The following TMEM63C variants were observed in gnomAD, a reference collection of about 807,000 sequenced individuals.
TMEM63C encodes transmembrane protein 63C.
TMEM63C carries 32 observed loss-of-function variants against 99.2 expected under a neutral mutation model. That is an observed-to-expected ratio of 0.32 (90% CI 0.24 to 0.43). The LOEUF (loss-of-function observed/expected upper bound fraction) is 0.43, where lower values mean the gene tolerates loss of function less well. TMEM63C is among the 20% of genes least tolerant of loss of function. The pLI is 1.00. For synonymous variants in TMEM63C, 376 were observed against 397.9 expected (o/e 0.94, Z 0.66); for missense variants, 826 against 1,053.0 (o/e 0.78, Z 2.98).
intron 1 of TMEM63C, among the ~76,000 whole-genome samples, chr14:77,199,758 G>A (rs932462810): frequency 6.6e-6 from 1 of 152,160 alleles, no homozygotes; most frequent in South Asian, 2.1e-4. Context: ...GCAGGGCCTG[G>A]ACTCCTTCAC....
chr14:77,228,679 G>C (rs1194595506), intron 6 of TMEM63C, among the ~76,000 whole-genome samples: 12 of 151,976 alleles, frequency 7.9e-5, no homozygotes, highest in Admixed American at 7.9e-4. Context: ...TGGGATTACA[G>C]GCACGTGCCA....
rs891813042 is a variant in TMEM63C at position 77,216,081 on chromosome 14, G to A, written c.-14+2573G>A. On this transcript the variant is annotated intron_variant, in intron 2 of 23. Transcript: ENST00000298351. ...GATAGAGAGGGAGATAGAGAGAGAG[G>A]AAGGAAGGTAGAAAAGAGAGAGGAA... Among the ~76,000 whole-genome samples, 21 of 151,764 alleles carry A rather than the reference G, an allele frequency of 1.4e-4. 1 individual carries two copies. Among genetic ancestry groups the A allele is most frequent in the Non-Finnish European group, 2.5e-4 (17 of 67,978 alleles).
intron 23 of TMEM63C, among the ~76,000 whole-genome samples, chr14:77,253,788 A>T (rs1889415227): frequency 6.6e-6 from 1 of 152,208 alleles, no homozygotes; most frequent in Non-Finnish European, 1.5e-5. Flanking sequence ...AGAAGTCTGC[A>T]CTGATGGTAA....
chr14:77,237,940 C>T (rs1420073796), intron 9 of TMEM63C, among the ~76,000 whole-genome samples: 1 of 152,222 alleles, frequency 6.6e-6, no homozygotes, highest in Non-Finnish European at 1.5e-5. Flanking sequence ...GAACCCACCC[C>T]AGAGTGCAAA....
chr14:77,229,463 G>A (rs1888894641), intron 6 of TMEM63C, among the ~76,000 whole-genome samples: 1 of 151,068 alleles, frequency 6.6e-6, no homozygotes, highest in South Asian at 2.1e-4. Flanking sequence ...TTTTGAGACA[G>A]GGTCTTGCTC....
intron 8 of TMEM63C, among the ~76,000 whole-genome samples, chr14:77,235,059 A>G (rs541494305): frequency 1.3e-5 from 2 of 152,278 alleles, no homozygotes; most frequent in East Asian, 1.9e-4. Flanking sequence ...AGATAACCAC[A>G]TGCATGGCTA....
At chr14:77,213,162 C>T (rs1006897382) in intron 1 of TMEM63C, among the ~76,000 whole-genome samples, 5 of 152,160 alleles carry the variant, frequency 3.3e-5, no homozygotes, top group East Asian at 1.9e-4. Context: ...CCTCTGCCCA[C>T]GCTTGCCCAT....
Position 77,249,386 on chromosome 14 carries a change from G to A in TMEM63C, c.1966G>A (p.Ala656Thr). The A allele has an allele frequency of 1.2e-6, 2 of 1,614,040 alleles. No individual in the cohort carries two copies. The highest frequency in any genetic ancestry group is 1.7e-6 in the Non-Finnish European group (2 of 1,179,892). The change falls in exon 21 of 24, where the codon GCC becomes ACC. Residue 656 changes from alanine (A) to threonine (T), a missense_variant. Transcript: ENST00000298351. ...TKLNEQIHMA[A>T]VSQAIFAPLL... ...ACTGAACGAGCAGATCCACATGGCTGCCGTCTCCCAGGCCATCTTTGCGCC... is the reference window on the plus strand; with the variant it reads ...ACTGAACGAGCAGATCCACATGGCTACCGTCTCCCAGGCCATCTTTGCGCC...
chr14:77,241,463 A>G (rs1889174361), intron 13 of TMEM63C, among the ~76,000 whole-genome samples: 1 of 152,058 alleles, frequency 6.6e-6, no homozygotes, highest in African/African-American at 2.4e-5. Flanking sequence ...CCAAAGTCCT[A>G]AAGGAGCTCC....
intron 1 of TMEM63C, among the ~76,000 whole-genome samples, chr14:77,191,974 A>G (rs1454764238): frequency 6.6e-6 from 1 of 152,122 alleles, no homozygotes; most frequent in Non-Finnish European, 1.5e-5. Context: ...TTCTTCATAT[A>G]TTTGGGTGCT....
At chr14:77,250,164 A>G (rs1308504218) in intron 21 of TMEM63C, among the ~76,000 whole-genome samples, 2 of 152,180 alleles carry the variant, frequency 1.3e-5, no homozygotes, top group Non-Finnish European at 2.9e-5. Context: ...GGGTTGCCAA[A>G]AAACCTGGAA....
At chr14:77,220,308 G>GT (rs1166839145) in intron 5 of TMEM63C, among the ~76,000 whole-genome samples, 1 of 152,180 alleles carries the variant, frequency 6.6e-6, no homozygotes, top group Non-Finnish European at 1.5e-5. Flanking sequence ...AGGGTGCCAA[G>GT]TAAGTGTTAA....
chr14:77,244,841 A>G (rs1473270442), intron 16 of TMEM63C, among the ~76,000 whole-genome samples: 1 of 152,204 alleles, frequency 6.6e-6, no homozygotes, highest in Non-Finnish European at 1.5e-5. Flanking sequence ...TGTCAATAGA[A>G]TGCTTTGGCC....
chr14:77,246,223 G>A lies in TMEM63C; in HGVS notation c.1535+197G>A, dbSNP rs1297870157. ...GTCAGCCGTGAGTTCAGCCCACATA[G>A]AGCTTATCATCTGGCTGGGGACACA... On this transcript the variant is annotated intron_variant, in intron 17 of 23. Transcript: ENST00000298351. Among the ~76,000 whole-genome samples, 3 of 152,210 alleles carry A rather than the reference G, an allele frequency of 2.0e-5. No homozygotes were observed. In the East Asian group the frequency reaches 5.8e-4, roughly 29 times the overall value.
At chr14:77,249,547 G>T in intron 21 of TMEM63C, 89 bp downstream of exon 21, 1 of 1,460,066 alleles carries the variant, frequency 6.8e-7, no homozygotes, top group Non-Finnish European at 9.3e-7. Context: ...GAGGAGAAAA[G>T]CCCAGGCAGG....
chr14:77,243,621 G>A (rs1594868026), intron 15 of TMEM63C, among the ~76,000 whole-genome samples: 2 of 152,116 alleles, frequency 1.3e-5, no homozygotes, highest in African/African-American at 2.4e-5. Flanking sequence ...TGAAGTTAGG[G>A]GATGCCTCCT....
chr14:77,253,770 G>A (rs78548600), intron 23 of TMEM63C, among the ~76,000 whole-genome samples: 10,164 of 152,262 alleles, frequency 0.067, 406 homozygotes, highest in African/African-American at 0.098. Flanking sequence ...GAGCTTCAGG[G>A]AACTATTAGA....
intron 22 of TMEM63C, among the ~76,000 whole-genome samples, chr14:77,252,901 G>C (rs1217627494): frequency 6.6e-6 from 1 of 152,244 alleles, no homozygotes; most frequent in Non-Finnish European, 1.5e-5. Flanking sequence ...GGTTGGCCAG[G>C]TGTCCACTCT....
At chr14:77,252,298 G>C (rs1169385363) in intron 22 of TMEM63C, among the ~76,000 whole-genome samples, 1 of 151,794 alleles carries the variant, frequency 6.6e-6, no homozygotes, top group African/African-American at 2.4e-5. Flanking sequence ...AAAAAGAGGG[G>C]GGATTGTCAT....
Sources: allele counts gnomAD v4.1 joint callset (sites outside exome capture counted in the v4.1 genomes callset), GRCh38; gene constraint gnomAD v4.1.1; transcripts MANE v1.5; gene names NCBI Gene and HGNC (gene_info 2026-07-23, HGNC 2026-07-21).